Variants in LEMD3 observed in about 807,000 individuals in gnomAD.
LEMD3 encodes the protein inner nuclear membrane protein Man1.
In LEMD3, 33 loss-of-function variants were observed where a neutral mutation model predicts 95.2. That is an observed-to-expected ratio of 0.35 (90% confidence interval 0.26 to 0.46). The LOEUF is 0.46. Ranked by LOEUF, LEMD3 falls within the 20% of genes least tolerant of loss-of-function variation. LEMD3 has a pLI of 1.00. For missense variants in LEMD3, 1,210 were observed against 1,192.8 expected (o/e 1.01, Z -0.21); for synonymous variants, 525 against 474.6 (o/e 1.11, Z -1.38).
chr12:65,207,269 TATGCC>T (rs1869792907), intron 1 of LEMD3, among the ~76,000 whole-genome samples: 1 of 152,150 alleles, frequency 6.6e-6, no homozygotes, highest in Non-Finnish European at 1.5e-5. Flanking sequence ...GAGACCATAG[TATGCC>T]CTCAAGTTTC....
At chr12:65,172,884 C>G (rs886121752) in intron 1 of LEMD3, among the ~76,000 whole-genome samples, 2 of 152,094 alleles carry the variant, frequency 1.3e-5, no homozygotes, top group Non-Finnish European at 2.9e-5. Flanking sequence ...TGCCGCCACA[C>G]CTGGCTAAAT....
intron 4 of LEMD3, among the ~76,000 whole-genome samples, chr12:65,223,278 C>T (rs1463280141): frequency 6.6e-6 from 1 of 150,410 alleles, no homozygotes; most frequent in African/African-American, 2.4e-5. Flanking sequence ...TAATAAATAT[C>T]CTTCCTTGTC....
In LEMD3 at chr12:65,247,505, G is replaced by A. The variant is rs1196555423; in HGVS notation, c.*1180G>A. The stretch of plus-strand genomic sequence containing the variant: ...CGATTGACTGTTGCTTTGTGCCTCA[G>A]TATTTAATTTGTTTCAGTAAACTTA... On this transcript the variant is annotated 3_prime_UTR_variant, in exon 13 of 13. Transcript: ENST00000308330. 4 of 152,214 alleles carry A rather than the reference G, an allele frequency of 2.6e-5. No individual in the cohort carries two copies. In the East Asian group the frequency reaches 7.7e-4, roughly 29 times the overall value. 9.4% of individuals were successfully genotyped at this position (152,214 alleles called of 1,614,324 possible).
chr12:65,172,538 G>C (rs1317585555), intron 1 of LEMD3, among the ~76,000 whole-genome samples: 1 of 152,054 alleles, frequency 6.6e-6, no homozygotes, highest in African/African-American at 2.4e-5. Context: ...ATGAAATTCA[G>C]CTCTCACTTT....
Position 65,171,324 on chromosome 12 carries a change from A to G in LEMD3, c.1522+206A>G, listed in dbSNP as rs1868544750. The G allele has an allele frequency of 1.8e-5, 14 of 797,584 alleles. No individual in the cohort carries two copies. In the South Asian group the frequency reaches 2.4e-4, roughly 13 times the overall value. 49.4% of individuals were successfully genotyped at this position (797,584 alleles called of 1,614,324 possible). A position where few individuals can be genotyped will look rare whatever the true frequency, so the allele number is the denominator to read the frequency against. On this transcript the variant is annotated intron_variant, in intron 1 of 12. Transcript: ENST00000308330. ...ATGGCTGGTTTTAAAAGTTTTCTGC[A>G]TGATGTATTGTGAAATTCAAAACAA...
rs1026849722 is a variant in LEMD3, at chr12:65,218,705, A to C, written c.1695+86A>C. 4 of 773,742 alleles carry C rather than the reference A, an allele frequency of 5.2e-6. No individual in the cohort carries two copies. The African/African-American group carries it at 7.2e-5, about 14-fold the overall frequency. 47.9% of individuals were successfully genotyped at this position (773,742 alleles called of 1,614,324 possible). On this transcript the variant is annotated intron_variant, in intron 4 of 12. Transcript: ENST00000308330. Reference sequence around the variant, plus strand: ...ACTTGTAAGAATCATATGTTTGATTATTTTAATTGTACTGTTAAAAGCTTG... The same window carrying C: ...ACTTGTAAGAATCATATGTTTGATTCTTTTAATTGTACTGTTAAAAGCTTG...
chr12:65,198,759 A>T (rs572154116), intron 1 of LEMD3, among the ~76,000 whole-genome samples: 1 of 152,156 alleles, frequency 6.6e-6, no homozygotes, highest in Admixed American at 6.5e-5. Context: ...TGTTAATGCT[A>T]TGTAAGTGGT....
In LEMD3 at chr12:65,218,591, C is replaced by T. The variant is rs750784348; in HGVS notation, c.1667C>T (p.Ser556Phe). 6.2e-7 allele frequency: 1 copy of T among 1,606,198 alleles called. No individual in the cohort carries two copies. Among genetic ancestry groups the T allele is most frequent in the Admixed American group, 1.7e-5 (1 of 59,914 alleles). The change falls in exon 4 of 13, where the codon TCT (serine) becomes TTT (phenylalanine). Residue 556 changes from serine (S) to phenylalanine (F), a missense_variant. Physicochemically the swap from Ser to Phe is radical, Grantham distance 155. Transcript: ENST00000308330. ...ECGSSSQRTL[S>F]VQEAAAYLKD... ...GGCAGTTCTAGTCAAAGAACGCTTTCTGTTCAAGAGGCAGCTGCGTATTTA... is the reference window on the plus strand; with the variant it reads ...GGCAGTTCTAGTCAAAGAACGCTTTTTGTTCAAGAGGCAGCTGCGTATTTA...
At chr12:65,202,730 T>C (rs747451709) in intron 1 of LEMD3, among the ~76,000 whole-genome samples, 3 of 152,214 alleles carry the variant, frequency 2.0e-5, no homozygotes, top group Non-Finnish European at 4.4e-5. Context: ...ATTCCGTTTC[T>C]TTAATAGGTA....
chr12:65,227,070 G>A (rs1765825516), intron 4 of LEMD3, among the ~76,000 whole-genome samples: 1 of 152,150 alleles, frequency 6.6e-6, no homozygotes, highest in Non-Finnish European at 1.5e-5. Context: ...GACTAAGGAG[G>A]AGTTATGATT....
chr12:65,205,746 A>T (rs1869740503), intron 1 of LEMD3, among the ~76,000 whole-genome samples: 2 of 152,080 alleles, frequency 1.3e-5, no homozygotes, highest in African/African-American at 4.8e-5. Context: ...CGAAATTCAG[A>T]TCAATAGGTG....
intron 4 of LEMD3, among the ~76,000 whole-genome samples, chr12:65,223,052 A>C (rs1870340573): frequency 1.3e-5 from 2 of 152,092 alleles, no homozygotes. Context: ...TTGTGGCCTA[A>C]CATATGATCT....
chr12:65,232,305 T>C (rs1253928031), intron 4 of LEMD3, among the ~76,000 whole-genome samples: 1 of 152,156 alleles, frequency 6.6e-6, no homozygotes, highest in African/African-American at 2.4e-5. Flanking sequence ...TATTTTCATG[T>C]ATTTGCACTA....
At chr12:65,199,873 A>AT (rs1869541556) in intron 1 of LEMD3, among the ~76,000 whole-genome samples, 1 of 152,022 alleles carries the variant, frequency 6.6e-6, no homozygotes, top group Non-Finnish European at 1.5e-5. Context: ...TGGCTGTACC[A>AT]TTTTGCATTC....
chr12:65,170,485 C>T lies in LEMD3; in HGVS notation c.889C>T (p.Leu297=), dbSNP rs1868498968. 6.2e-7 allele frequency: 1 copy of T among 1,613,356 alleles called. No homozygotes were observed. Among genetic ancestry groups the T allele is most frequent in the Non-Finnish European group, 8.5e-7 (1 of 1,179,816 alleles). The stretch of plus-strand genomic sequence containing the variant: ...AACCCATAGTAAGCCTCTCCCCCCG[C>T]TGACTGCTAAATCGGCCGGCGGCAG... ...RRTHSKPLPP[L]TAKSAGGRLE... is the part of the protein sequence containing the mutation. Residue 297 remains leucine (L), a synonymous_variant, in exon 1 of 13, where the codon CTG becomes TTG. Transcript: ENST00000308330.
intron 2 of LEMD3, among the ~76,000 whole-genome samples, chr12:65,212,519 A>G (rs1869972084): frequency 7.0e-6 from 1 of 143,568 alleles, no homozygotes; most frequent in Non-Finnish European, 1.5e-5. Flanking sequence ...CCTGGGCTAC[A>G]GAGTGAGACT....
At chr12:65,239,052 G>T (rs1870855982) in intron 6 of LEMD3, among the ~76,000 whole-genome samples, 1 of 151,616 alleles carries the variant, frequency 6.6e-6, no homozygotes, top group Non-Finnish European at 1.5e-5. Flanking sequence ...AAACAAGTGT[G>T]GTCAGTATAT....
In LEMD3 at chr12:65,169,688, T is replaced by A. The variant is rs1191761619; in HGVS notation, c.92T>A (p.Val31Glu). 6 of 1,585,600 alleles carry A rather than the reference T, an allele frequency of 3.8e-6. No individual in the cohort carries two copies. Among genetic ancestry groups the A allele is most frequent in the African/African-American group, 1.3e-5 (1 of 74,448 alleles). Residue 31 changes from valine to glutamate, a missense_variant, in exon 1 of 13, where the codon GTG becomes GAG. Coordinates refer to ENST00000308330, the MANE Select transcript of LEMD3 (RefSeq NM_014319.5). ...LRRYGLSPGPVTESTRPVYLK... is the reference protein window; with the variant it reads ...LRRYGLSPGPETESTRPVYLK... ...CGTTACGGCCTGTCTCCCGGACCAGTGACGGAGAGCACCCGCCCGGTCTAC... is the reference window on the plus strand; with the variant it reads ...CGTTACGGCCTGTCTCCCGGACCAGAGACGGAGAGCACCCGCCCGGTCTAC...
chr12:65,170,767 A>G lies in LEMD3; in HGVS notation c.1171A>G (p.Asn391Asp), dbSNP rs1592425492. ...SSTGSLLKTN[N>D]HIGGGAFSVD... Reference sequence around the variant, plus strand: ...AACAGGCTCCCTTCTGAAAACCAATAATCATATTGGCGGTGGGGCCTTCAG... The same window carrying G: ...AACAGGCTCCCTTCTGAAAACCAATGATCATATTGGCGGTGGGGCCTTCAG... Residue 391 changes from asparagine to aspartate, a missense_variant, in exon 1 of 13, where the codon AAT becomes GAT. By Grantham distance (23) the Asn-to-Asp change is conservative. This residue lies in a region of LEMD3 where 749 missense variants were observed against 622.9 expected (regional missense o/e 1.20). Coordinates refer to ENST00000308330, the MANE Select transcript of LEMD3 (RefSeq NM_014319.5). The G allele has an allele frequency of 5.0e-6, 8 of 1,614,150 alleles. No individual in the cohort carries two copies. Among genetic ancestry groups the G allele is most frequent in the Non-Finnish European group, 5.9e-6 (7 of 1,180,020 alleles).
Sources: allele counts gnomAD v4.1 joint callset (sites outside exome capture counted in the v4.1 genomes callset), GRCh38; gene constraint gnomAD v4.1.1; regional missense constraint gnomAD v4.1.1; transcripts MANE v1.5; gene names NCBI Gene and HGNC (gene_info 2026-07-23, HGNC 2026-07-21).